The following ATRN variants were observed in gnomAD, a reference collection of about 807,000 sequenced individuals.
ATRN encodes attractin, also known as attractin-2.
In ATRN, 54 loss-of-function variants were observed where a neutral mutation model predicts 178.7. The observed-to-expected ratio is 0.30, with a 90% confidence interval of 0.24 to 0.38. The LOEUF is 0.38. ATRN is among the 10% of genes least tolerant of loss of function. The pLI is 1.00. For synonymous variants in ATRN, 636 were observed against 663.0 expected (o/e 0.96, Z 0.63); for missense variants, 1,443 against 1,815.1 (o/e 0.79, Z 3.73).
chr20:3,572,440 CAT>C (rs985610506), intron 11 of ATRN, among the ~76,000 whole-genome samples: 2 of 152,064 alleles, frequency 1.3e-5, no homozygotes, highest in Admixed American at 6.6e-5. Context: ...GGAAGGGAAT[CAT>C]AATGTTTTTT....
intron 2 of ATRN, among the ~76,000 whole-genome samples, chr20:3,539,872 G>A (rs1252443171): frequency 6.6e-6 from 1 of 152,168 alleles, no homozygotes; most frequent in Non-Finnish European, 1.5e-5. Context: ...AAATTTAGAG[G>A]ATTGGCAGGC....
At chr20:3,488,539 A>C (rs1426879074) in intron 1 of ATRN, among the ~76,000 whole-genome samples, 1 of 152,162 alleles carries the variant, frequency 6.6e-6, no homozygotes, top group Non-Finnish European at 1.5e-5. Flanking sequence ...GTGTTTATGT[A>C]TATATGATCT....
chr20:3,503,575 A>G (rs1568692198), intron 1 of ATRN, among the ~76,000 whole-genome samples: 1 of 152,190 alleles, frequency 6.6e-6, no homozygotes, highest in Non-Finnish European at 1.5e-5. Context: ...AAATTTTAGA[A>G]CTGAAAAACA....
At chr20:3,579,449 G>T (rs770083746) in intron 15 of ATRN, among the ~76,000 whole-genome samples, 1 of 152,120 alleles carries the variant, frequency 6.6e-6, no homozygotes, top group African/African-American at 2.4e-5. Context: ...TTGCGCCACC[G>T]CACTCCAGCC....
At chr20:3,585,294 G>A (rs1300585289) in intron 18 of ATRN, among the ~76,000 whole-genome samples, 1 of 152,148 alleles carries the variant, frequency 6.6e-6, no homozygotes, top group African/African-American at 2.4e-5. Flanking sequence ...AAAGCTAAAA[G>A]GGCAGAGACA....
At chr20:3,488,181 T>C (rs2084724017) in intron 1 of ATRN, among the ~76,000 whole-genome samples, 1 of 152,246 alleles carries the variant, frequency 6.6e-6, no homozygotes, top group East Asian at 1.9e-4. Context: ...TGATGTTATA[T>C]TGCAGATTGC....
intron 15 of ATRN, among the ~76,000 whole-genome samples, chr20:3,580,261 C>T (rs1480744888): frequency 1.3e-5 from 2 of 152,124 alleles, no homozygotes; most frequent in Non-Finnish European, 2.9e-5. Context: ...CAATGACTCT[C>T]GAGTCCACAG....
rs201937076 is a variant in ATRN, at chr20:3,520,767, G to A, written c.411-14486G>A. On this transcript the variant is annotated intron_variant, in intron 1 of 28. Transcript: ENST00000262919. ...CTGCCTCAGCCTCCCAAAGTGCTGC[G>A]ATTACAGGCATGAGCCAGCGTACCT... Among the ~76,000 whole-genome samples the A allele has an allele frequency of 3.9e-5, 6 of 152,162 alleles. No homozygotes were observed. In the East Asian group the frequency reaches 9.6e-4, roughly 24 times the overall value.
At chr20:3,614,802 C>G (rs550567154) in intron 24 of ATRN, among the ~76,000 whole-genome samples, 21 of 152,164 alleles carry the variant, frequency 1.4e-4, no homozygotes, top group African/African-American at 5.1e-4. Context: ...TCATTCCCCC[C>G]TCTTCCGGCA....
intron 24 of ATRN, among the ~76,000 whole-genome samples, chr20:3,613,232 AG>A (rs1235795807): frequency 6.6e-6 from 1 of 152,196 alleles, no homozygotes; most frequent in Non-Finnish European, 1.5e-5. Flanking sequence ...TTGAAAACGC[AG>A]GTAAGTTCTA....
intron 7 of ATRN, among the ~76,000 whole-genome samples, chr20:3,559,742 T>C (rs1402216164): frequency 1.3e-5 from 2 of 152,204 alleles, no homozygotes; most frequent in Admixed American, 6.5e-5. Context: ...TTAAAAAGTG[T>C]AGATTAGCTT....
chr20:3,582,477 A>G (rs1025638066), intron 16 of ATRN, 123 bp downstream of exon 16: 19 of 902,526 alleles, frequency 2.1e-5, no homozygotes, highest in Admixed American at 1.3e-4. Context: ...GATTTCAAGC[A>G]TGCAAAGAAG....
Position 3,594,904 on chromosome 20 carries a change from T to C in ATRN, c.3416+332T>C, listed in dbSNP as rs1457520589. ...TGTCATGTCAAGAGATTATACTCTT[T>C]CCCAAAGAGTAGAGATGGAAGAGCT... On this transcript the variant is annotated intron_variant, in intron 20 of 28. Coordinates refer to ENST00000262919, the MANE Select transcript of ATRN (RefSeq NM_139321.3). Among the ~76,000 whole-genome samples the C allele has an allele frequency of 9.8e-5, 15 of 152,332 alleles. No homozygotes were observed. The East Asian group carries it at 2.7e-3, about 27-fold the overall frequency.
intron 3 of ATRN, 97 bp downstream of exon 3, chr20:3,540,432 C>T (rs1389220207): frequency 8.2e-6 from 6 of 731,752 alleles, no homozygotes; most frequent in Non-Finnish European, 1.4e-5. Flanking sequence ...TTTATTATCA[C>T]TTAACACATT....
chr20:3,614,303 C>T (rs933563457), intron 24 of ATRN, among the ~76,000 whole-genome samples: 3 of 151,980 alleles, frequency 2.0e-5, no homozygotes, highest in Non-Finnish European at 2.9e-5. Flanking sequence ...GGGGCGTGGG[C>T]GGTAGGTATT....
chr20:3,528,069 A>G (rs1409588509), intron 1 of ATRN, among the ~76,000 whole-genome samples: 1 of 151,952 alleles, frequency 6.6e-6, no homozygotes. Flanking sequence ...AAAGTATAAA[A>G]ACAAACAAAA....
At chr20:3,559,281 C>T (rs117689603) in intron 6 of ATRN, 112 bp from the exon 7 acceptor site, 35,396 of 801,524 alleles carry the variant, frequency 0.044, 965 homozygotes, top group Non-Finnish European at 0.056. Context: ...TGCCCCCCTA[C>T]ATCCATGGTG....
intron 3 of ATRN, among the ~76,000 whole-genome samples, chr20:3,545,364 C>CAAAAAAAAAAAA (rs1332216289): frequency 1.2e-5 from 1 of 86,328 alleles, no homozygotes. Context: ...AACTCTGTCT[C>CAAAAAAAAAAAA]AAAAAAAAAA....
intron 11 of ATRN, among the ~76,000 whole-genome samples, chr20:3,571,612 A>G (rs1177265509): frequency 1.3e-5 from 2 of 148,822 alleles, no homozygotes; most frequent in Non-Finnish European, 3.0e-5. Context: ...ACCTCAGTAT[A>G]GTTTTAATTT....
Sources: gnomAD v4.1 joint callset for allele counts (sites outside exome capture counted in the v4.1 genomes callset) on GRCh38, gnomAD v4.1.1 for gene constraint, MANE v1.5 for transcripts, NCBI Gene and HGNC (gene_info 2026-07-23, HGNC 2026-07-21) for gene names.